The following CDH19 variants were observed in gnomAD, a reference collection of about 807,000 sequenced individuals.
CDH19 encodes cadherin 19.
CDH19 carries 67 observed loss-of-function variants against 64.2 expected under a neutral mutation model. The observed-to-expected ratio is 1.04, with a 90% CI of 0.86 to 1.28. The LOEUF (loss-of-function observed/expected upper bound fraction) is 1.28, where lower values mean the gene tolerates loss of function less well. Among genes scored for constraint, CDH19 ranks in the 50% most tolerant of loss-of-function variants. The pLI, the probability that CDH19 is intolerant of heterozygous loss-of-function variation, is 0.00. For missense variants in CDH19, 1,030 were observed against 929.0 expected, an observed-to-expected ratio of 1.11 and a Z score of -1.41; for synonymous variants, 346 against 319.3, an observed-to-expected ratio of 1.08 and a Z score of -0.89.
intron 1 of CDH19, among the ~76,000 whole-genome samples, chr18:66,576,671 A>C (rs1247227786): frequency 6.6e-6 from 1 of 151,634 alleles, no homozygotes; most frequent in Non-Finnish European, 1.5e-5. Flanking sequence ...AAGAAGAAAC[A>C]CACAAATCTA....
chr18:66,564,710 A>G (rs577791913), intron 3 of CDH19, among the ~76,000 whole-genome samples: 2 of 151,978 alleles, frequency 1.3e-5, no homozygotes, highest in African/African-American at 4.8e-5. Flanking sequence ...ATCAATATCT[A>G]TTTATTATGG....
chr18:66,503,636 C>T lies in CDH19; in HGVS notation c.*1176G>A, dbSNP rs1985041402. 1 of 151,528 alleles carries T rather than the reference C, an allele frequency of 6.6e-6. No individual in the cohort carries two copies. Among genetic ancestry groups the T allele is most frequent in the African/African-American group, 2.4e-5 (1 of 41,324 alleles). 9.4% of individuals were successfully genotyped at this position (151,528 alleles called of 1,614,324 possible). A position where few individuals can be genotyped will look rare whatever the true frequency, so the allele number is the denominator to read the frequency against. ...CTTGTATTTTGCTATTGTATTTTGACATAAGAATGTGTTTTGAGTTGCATA... is the reference window on the plus strand; with the variant it reads ...CTTGTATTTTGCTATTGTATTTTGATATAAGAATGTGTTTTGAGTTGCATA... On this transcript the variant is annotated 3_prime_UTR_variant, in exon 12 of 12. Transcript: ENST00000262150.
chr18:66,587,114 A>G (rs1020519950), intron 1 of CDH19, among the ~76,000 whole-genome samples: 1 of 152,096 alleles, frequency 6.6e-6, no homozygotes, highest in Non-Finnish European at 1.5e-5. Context: ...GTGATATTTC[A>G]TCCCAGCACT....
At chr18:66,539,416 CTCTGTA>C (rs1214005671) in intron 7 of CDH19, among the ~76,000 whole-genome samples, 1 of 151,958 alleles carries the variant, frequency 6.6e-6, no homozygotes, top group Non-Finnish European at 1.5e-5. Context: ...TTTGTAGATA[CTCTGTA>C]TCTGTTTAAG....
rs1985087310 is a variant in CDH19 at position 66,504,533 on chromosome 18, G to A, written c.*279C>T. 1 of 308,374 alleles carries A rather than the reference G, an allele frequency of 3.2e-6. No homozygotes were observed. 19.1% of individuals were successfully genotyped at this position (308,374 alleles called of 1,614,324 possible). ...CGCATAAGGATCGACTACATCTTGT[G>A]TCCTCTCATCTACTTTTAATATCTT... On this transcript the variant is annotated 3_prime_UTR_variant, in exon 12 of 12. Transcript: ENST00000262150.
intron 1 of CDH19, among the ~76,000 whole-genome samples, chr18:66,580,759 C>T (rs1270632070): frequency 1.3e-5 from 2 of 152,038 alleles, no homozygotes; most frequent in Non-Finnish European, 2.9e-5. Context: ...AATTTGAACA[C>T]TCTTAGATAA....
At chr18:66,542,941 T>A (rs761565591) in intron 7 of CDH19, among the ~76,000 whole-genome samples, 1 of 152,216 alleles carries the variant, frequency 6.6e-6, no homozygotes, top group Non-Finnish European at 1.5e-5. Context: ...AACTGGTTCC[T>A]GGTGGCAGAA....
In CDH19 at chr18:66,544,121, G is replaced by A. The variant is rs1297269502; in HGVS notation, c.1064C>T (p.Thr355Ile). The A allele has an allele frequency of 6.2e-7, 1 of 1,613,880 alleles. No individual in the cohort carries two copies. Among genetic ancestry groups the A allele is most frequent in the Non-Finnish European group, 8.5e-7 (1 of 1,179,926 alleles). ...LMKYHTEAST[T>I]FIKIQVEDVD... is the part of the protein sequence containing the mutation. The stretch of plus-strand genomic sequence containing the variant: ...ATCTTCCACCTGGATCTTAATGAAA[G>A]TGGTGGAAGCCTCAGTGTGGTACTT... Residue 355 changes from threonine to isoleucine, a missense_variant, in exon 7 of 12, where the codon ACT becomes ATT. Physicochemically the swap from Thr to Ile is moderately conservative, Grantham distance 89. Coordinates refer to ENST00000262150, the MANE Select transcript of CDH19 (RefSeq NM_021153.4).
intron 5 of CDH19, among the ~76,000 whole-genome samples, chr18:66,547,567 G>A (rs1987163650): frequency 6.6e-6 from 1 of 151,826 alleles, no homozygotes; most frequent in Non-Finnish European, 1.5e-5. Flanking sequence ...CATGAAACCT[G>A]GATGTGTGGG....
Position 66,559,741 on chromosome 18 carries a change from A to C in CDH19, c.491-5217T>G, listed in dbSNP as rs1987651271. ...GAAACCTATTTTAGTTAAATATATA[A>C]TATATATGAAAAGAAATAAAATATT... On this transcript the variant is annotated intron_variant, in intron 3 of 11. Transcript: ENST00000262150. 2.0e-5 allele frequency among the ~76,000 whole-genome samples: 3 copies of C among 151,026 alleles called. No individual in the cohort carries two copies. In the South Asian group the frequency reaches 6.2e-4, roughly 31 times the overall value.
chr18:66,558,613 A>AT (rs1319377737), intron 3 of CDH19, among the ~76,000 whole-genome samples: 1 of 152,028 alleles, frequency 6.6e-6, no homozygotes, highest in Non-Finnish European at 1.5e-5. Context: ...AAATATTTAT[A>AT]TTTTTATAAA....
rs1398559853 is a variant in CDH19 at position 66,544,095 on chromosome 18, C to T, written c.1090G>A (p.Val364Ile). ...AGGAGGAAAAGAGGAGGCTCATCAA[C>T]ATCTTCCACCTGGATCTTAATGAAA... is the stretch of plus-strand genomic sequence containing the variant. Reference protein sequence around the residue: ...TTFIKIQVEDVDEPPLFLLPY... With the variant: ...TTFIKIQVEDIDEPPLFLLPY... Residue 364 changes from valine (V) to isoleucine (I), a missense_variant, in exon 7 of 12, where the codon GTT (valine) becomes ATT (isoleucine). Physicochemically the swap from Val to Ile is conservative, Grantham distance 29. Coordinates refer to ENST00000262150, the MANE Select transcript of CDH19 (RefSeq NM_021153.4). 1 of 1,613,880 alleles carries T rather than the reference C, an allele frequency of 6.2e-7. No individual in the cohort carries two copies. The highest frequency in any genetic ancestry group is 8.5e-7 in the Non-Finnish European group (1 of 1,179,942).
In CDH19 at chr18:66,505,157, C is replaced by T. The variant is rs756764985; in HGVS notation, c.1974G>A (p.Glu658=). 66 of 1,613,418 alleles carry T rather than the reference C, an allele frequency of 4.1e-5. No individual in the cohort carries two copies. The highest frequency in any genetic ancestry group is 5.4e-5 in the Non-Finnish European group (64 of 1,179,692). ...CCCGCATTATGGTACTACTCCTCAG[C>T]TCTGCTATATCAAAGGCCTCTGTAT... ...EEDTEAFDIA[E]LRSSTIMRER... is the part of the protein sequence containing the mutation. The change falls in exon 12 of 12, where the codon GAG becomes GAA. Residue 658 remains glutamate (E), a synonymous_variant. Transcript: ENST00000262150.
intron 7 of CDH19, among the ~76,000 whole-genome samples, chr18:66,538,903 A>G (rs1986781527): frequency 6.6e-6 from 1 of 151,982 alleles, no homozygotes; most frequent in African/African-American, 2.4e-5. Context: ...GCCATTTTGG[A>G]TTAAAAACAT....
At chr18:66,531,930 C>A (rs1040320686) in intron 8 of CDH19, among the ~76,000 whole-genome samples, 17 of 152,064 alleles carry the variant, frequency 1.1e-4, no homozygotes, top group African/African-American at 4.1e-4. Context: ...ACTAACCAGA[C>A]ATGTATTTTG....
At chr18:66,598,033 C>A (rs8096124) in intron 1 of CDH19, among the ~76,000 whole-genome samples, 51,346 of 151,802 alleles carry the variant, frequency 0.34, 10,092 homozygotes, top group Non-Finnish European at 0.45. Flanking sequence ...CTAGAACTTA[C>A]AGTATAAAAA....
At chr18:66,592,135 G>C (rs1361041985) in intron 1 of CDH19, among the ~76,000 whole-genome samples, 1 of 151,836 alleles carries the variant, frequency 6.6e-6, no homozygotes, top group Admixed American at 6.6e-5. Flanking sequence ...CCTGACTAGA[G>C]ATGAACTATG....
intron 9 of CDH19, among the ~76,000 whole-genome samples, chr18:66,512,958 T>G (rs1354257109): frequency 6.6e-6 from 1 of 151,554 alleles, no homozygotes; most frequent in Non-Finnish European, 1.5e-5. Context: ...CGACAAACTA[T>G]TATGTGTTCC....
intron 1 of CDH19, among the ~76,000 whole-genome samples, chr18:66,598,236 T>C (rs1018182758): frequency 3.3e-5 from 5 of 152,266 alleles, no homozygotes; most frequent in Non-Finnish European, 7.4e-5. Context: ...AAAAGCAGTT[T>C]GGAGATATCT....
Sources: gnomAD v4.1 joint callset for allele counts (sites outside exome capture counted in the v4.1 genomes callset) on GRCh38, gnomAD v4.1.1 for gene constraint, MANE v1.5 for transcripts, NCBI Gene and HGNC (gene_info 2026-07-23, HGNC 2026-07-21) for gene names.